The following TTF2 variants were observed in gnomAD, a reference collection of about 807,000 sequenced individuals.
TTF2 encodes transcription termination factor 2, also known as RNA polymerase II termination factor.
A neutral mutation model predicts 142.4 loss-of-function variants in TTF2; 108 were observed. The observed-to-expected ratio is 0.76, with a 90% CI of 0.65 to 0.89. The LOEUF (loss-of-function observed/expected upper bound fraction) is 0.89. Ranked by LOEUF, TTF2 falls within the 40% of genes least tolerant of loss-of-function variation. The pLI is 0.00. For missense variants in TTF2, 1,327 were observed against 1,379.8 expected (o/e 0.96, Z 0.61); for synonymous variants, 483 against 506.2 (o/e 0.95, Z 0.61).
Position 117,084,063 on chromosome 1 carries a change from C to T in TTF2, c.1949C>T (p.Ala650Val). 1.2e-6 allele frequency: 2 copies of T among 1,614,214 alleles called. No individual in the cohort carries two copies. Among genetic ancestry groups the T allele is most frequent in the Non-Finnish European group, 1.7e-6 (2 of 1,180,038 alleles). The change falls in exon 11 of 23, where the codon GCC (alanine) becomes GTC (valine). Residue 650 changes from alanine to valine, a missense_variant. By Grantham distance (64) the Ala-to-Val change is moderately conservative. Transcript: ENST00000369466. ...CATGGAACACTAATCATCTGTCCTG[C>T]CTCCCTGATCCATCATTGGAAAAAT... ...TSHGTLIICP[A>V]SLIHHWKNEV...
chr1:117,060,632 C>T, intron 2 of TTF2, 75 bp downstream of exon 2: 2 of 1,461,578 alleles, frequency 1.4e-6, no homozygotes, highest in African/African-American at 1.4e-5. Context: ...TCCCCGCTGT[C>T]GGGCGTCACA....
At chr1:117,078,075 C>T in intron 8 of TTF2, 32 bp downstream of exon 8, 1 of 1,601,270 alleles carries the variant, frequency 6.2e-7, no homozygotes. Context: ...GTGTAGTCCT[C>T]TATGACAGTG....
intron 3 of TTF2, among the ~76,000 whole-genome samples, chr1:117,064,654 A>G (rs1655943315): frequency 6.6e-6 from 1 of 152,096 alleles, no homozygotes; most frequent in Non-Finnish European, 1.5e-5. Context: ...AGTAGTCCCA[A>G]GTAGCTGGGA....
intron 10 of TTF2, among the ~76,000 whole-genome samples, chr1:117,083,241 CA>C (rs937586299): frequency 0.022 from 1,161 of 53,314 alleles, 7 homozygotes; most frequent in African/African-American, 0.063. Flanking sequence ...GACTCCGTCT[CA>C]AAAAAAAAAA....
At chr1:117,069,650 CAG>C (rs879896725) in intron 3 of TTF2, among the ~76,000 whole-genome samples, 1 of 152,176 alleles carries the variant, frequency 6.6e-6, no homozygotes, top group Non-Finnish European at 1.5e-5. Context: ...GAAACTGCCA[CAG>C]GGGGCAGTCA....
At position 117,093,269 on chromosome 1, in the gene TTF2, CTG is replaced by C. The variant is rs1648767577; in HGVS notation, c.2976+372_2976+373del. 6.6e-6 allele frequency among the ~76,000 whole-genome samples: 1 copy of C among 152,202 alleles called. No homozygotes were observed. Among genetic ancestry groups the C allele is most frequent in the South Asian group, 2.1e-4 (1 of 4,828 alleles). Reference sequence around the variant, plus strand: ...GAAAACAAAGGCTTGACTCTAGAGACTGTGTCATACATGCGAGCGCCAATTGC... The same window carrying C: ...GAAAACAAAGGCTTGACTCTAGAGACTGTCATACATGCGAGCGCCAATTGC... On this transcript the variant is annotated intron_variant, in intron 18 of 22. Transcript: ENST00000369466. The surrounding 1 kb of genome is among the most constrained non-coding windows in gnomAD (Gnocchi z 4.5).
At position 117,076,042 on chromosome 1, in the gene TTF2, TA is replaced by T; in HGVS notation, c.1276-132del. The T allele has an allele frequency of 2.3e-6, 3 of 1,297,666 alleles. No individual in the cohort carries two copies. Among genetic ancestry groups the T allele is most frequent in the Non-Finnish European group, 3.1e-6 (3 of 964,000 alleles). The allele number at this position is 1,297,666 out of a possible 1,614,324, so 80.4% of individuals were successfully genotyped here. A position where few individuals can be genotyped will look rare whatever the true frequency, so the allele number is the denominator to read the frequency against. On this transcript the variant is annotated intron_variant, in intron 5 of 22. Transcript: ENST00000369466. The surrounding 1 kb of genome is among the most constrained non-coding windows in gnomAD (Gnocchi z 4.6). ...TTGGTAAGCCAGCTGGGTTAAAATTTAAAAAAGGTTCTGGTTTTTGCACACA... is the reference window on the plus strand; with the variant it reads ...TTGGTAAGCCAGCTGGGTTAAAATTTAAAAAGGTTCTGGTTTTTGCACACA...
At position 117,070,778 on chromosome 1, in the gene TTF2, T is replaced by G. The variant is rs1656511618; in HGVS notation, c.219-2883T>G. Among the ~76,000 whole-genome samples the G allele has an allele frequency of 6.6e-6, 1 of 152,050 alleles. No homozygotes were observed. Among genetic ancestry groups the G allele is most frequent in the Non-Finnish European group, 1.5e-5 (1 of 68,010 alleles). ...AAAATTGTGAACTTGGATGGGAAAA[T>G]TGTGTTTGTACAAGAGGGAGGGGCT... On this transcript the variant is annotated intron_variant, in intron 3 of 22. Coordinates refer to ENST00000369466, the MANE Select transcript of TTF2 (RefSeq NM_003594.4). This position sits in a 1 kb window ranked among gnomAD's most constrained non-coding sequence, Gnocchi z 4.2.
Position 117,084,018 on chromosome 1 carries a change from ACT to A in TTF2, c.1907_1908del (p.Ser636LeufsTer2), listed in dbSNP as rs1647780706. On this transcript the variant is annotated frameshift_variant and splice_region_variant, in exon 11 of 23. Transcript: ENST00000369466. LOFTEE classifies it high-confidence loss of function. ...GCACTGATTTTTTTCCCTTCTCAAG[ACT>A]CTTGTGACTTTACTTCCCATGGAAC... 1 of 1,613,658 alleles carries A rather than the reference ACT, an allele frequency of 6.2e-7. No individual in the cohort carries two copies. Among genetic ancestry groups the A allele is most frequent in the South Asian group, 1.1e-5 (1 of 91,040 alleles).
rs1648550931 is a variant in TTF2, at chr1:117,091,264, GCA to G, written c.2589-61_2589-60del. On this transcript the variant is annotated intron_variant, in intron 15 of 22. Transcript: ENST00000369466. Reference sequence around the variant, plus strand: ...ATAATTTGTCAAGATCCCACTGCAGGCACAGTTAAGCAGGTCTTAGTGACCAT... The same window carrying G: ...ATAATTTGTCAAGATCCCACTGCAGGCAGTTAAGCAGGTCTTAGTGACCAT... 1.7e-5 allele frequency: 23 copies of G among 1,379,184 alleles called. No homozygotes were observed. The South Asian group carries it at 3.0e-4, about 18-fold the overall frequency. The allele number at this position is 1,379,184 out of a possible 1,614,324, so 85.4% of individuals were successfully genotyped here.
At position 117,080,366 on chromosome 1, in the gene TTF2, G is replaced by T. The variant is rs1001173734; in HGVS notation, c.1783+717G>T. Among the ~76,000 whole-genome samples, 5 of 152,032 alleles carry T rather than the reference G, an allele frequency of 3.3e-5. No homozygotes were observed. Among genetic ancestry groups the T allele is most frequent in the African/African-American group, 1.2e-4 (5 of 41,386 alleles). ...TACTTTGCTTCACCAAGTGCTAGAG[G>T]CAACCAGTGCCACCCCAAAGTCAGT... On this transcript the variant is annotated intron_variant, in intron 9 of 22. Coordinates refer to ENST00000369466, the MANE Select transcript of TTF2 (RefSeq NM_003594.4). The surrounding 1 kb of genome is among the most constrained non-coding windows in gnomAD (Gnocchi z 4.3).
At position 117,076,659 on chromosome 1, in the gene TTF2, A is replaced by G. The variant is rs1353660187; in HGVS notation, c.1409A>G (p.Asn470Ser). The part of the protein sequence containing the change: ...SPEQGTNEKS[N>S]SQVPQQSHFT... ...TGAGCAGGAACTAATGAGAAGAGTA[A>G]CAGTCAAGTACCACAGCAGAGTCAC... Residue 470 changes from asparagine to serine, a missense_variant, in exon 7 of 23, where the codon AAC (asparagine) becomes AGC (serine). By Grantham distance (46) the Asn-to-Ser change is conservative. Transcript: ENST00000369466. The surrounding 1 kb of genome is among the most constrained non-coding windows in gnomAD (Gnocchi z 4.6). 8 of 1,612,012 alleles carry G rather than the reference A, an allele frequency of 5.0e-6. No individual in the cohort carries two copies. The African/African-American group carries it at 8.0e-5, about 16-fold the overall frequency.
chr1:117,083,739 G>T (rs1270129799), intron 10 of TTF2, among the ~76,000 whole-genome samples: 1 of 152,090 alleles, frequency 6.6e-6, no homozygotes, highest in African/African-American at 2.4e-5. Flanking sequence ...CTTCACTATA[G>T]GCTCTGTATA....
Position 117,073,799 on chromosome 1 carries a change from C to A in TTF2, c.285+72C>A. The stretch of plus-strand genomic sequence containing the variant: ...AATATGCAGCATCACCTGAAAATAC[C>A]TTGAAGTTCACGTAAATGAGTTGGT... On this transcript the variant is annotated intron_variant, in intron 4 of 22. Transcript: ENST00000369466. This position sits in a 1 kb window ranked among gnomAD's most constrained non-coding sequence, Gnocchi z 4.4. 5.6e-6 allele frequency: 8 copies of A among 1,428,920 alleles called. No homozygotes were observed. Among genetic ancestry groups the A allele is most frequent in the Non-Finnish European group, 6.8e-6 (7 of 1,030,872 alleles). The allele number at this position is 1,428,920 out of a possible 1,614,324, so 88.5% of individuals were successfully genotyped here.
chr1:117,092,627 G>T lies in TTF2; in HGVS notation c.2806-104G>T. 1 of 1,284,992 alleles carries T rather than the reference G, an allele frequency of 7.8e-7. No homozygotes were observed. The allele number at this position is 1,284,992 out of a possible 1,614,324, so 79.6% of individuals were successfully genotyped here. A position where few individuals can be genotyped will look rare whatever the true frequency, so the allele number is the denominator to read the frequency against. On this transcript the variant is annotated intron_variant, in intron 17 of 22. Transcript: ENST00000369466. The surrounding 1 kb of genome is among the most constrained non-coding windows in gnomAD (Gnocchi z 4.4). ...AGGAGTTACTGATGACAAATTACAA[G>T]ATATTTTGCTCTGTGAAGTGGTAAA...
rs1274870261 is a variant in TTF2 at position 117,100,005 on chromosome 1, A to G, written c.3344+1098A>G. On this transcript the variant is annotated intron_variant, in intron 22 of 22. Transcript: ENST00000369466. The surrounding 1 kb of genome is among the most constrained non-coding windows in gnomAD (Gnocchi z 4.6). ...GTCTCCTAAACTTCAGACCTATCGCAGTCCCTGCTAAATATCTGAATCCGA... is the reference window on the plus strand; with the variant it reads ...GTCTCCTAAACTTCAGACCTATCGCGGTCCCTGCTAAATATCTGAATCCGA... Among the ~76,000 whole-genome samples the G allele has an allele frequency of 6.6e-6, 1 of 152,228 alleles. No individual in the cohort carries two copies. Among genetic ancestry groups the G allele is most frequent in the Non-Finnish European group, 1.5e-5 (1 of 68,024 alleles).
rs1655872736 is a variant in TTF2, at chr1:117,063,805, T to C, written c.218+1332T>C. ...TGGTAACGTTTGCAAGGCTTAGAAATATATCACAAACAGGATATTAATATT... is the reference window on the plus strand; with the variant it reads ...TGGTAACGTTTGCAAGGCTTAGAAACATATCACAAACAGGATATTAATATT... On this transcript the variant is annotated intron_variant, in intron 3 of 22. Transcript: ENST00000369466. The surrounding 1 kb of genome is among the most constrained non-coding windows in gnomAD (Gnocchi z 4.1). 6.6e-6 allele frequency among the ~76,000 whole-genome samples: 1 copy of C among 152,232 alleles called. No individual in the cohort carries two copies. The highest frequency in any genetic ancestry group is 1.5e-5 in the Non-Finnish European group (1 of 68,034).
Position 117,093,274 on chromosome 1 carries a change from T to A in TTF2, c.2976+373T>A, listed in dbSNP as rs1464971289. 6.6e-6 allele frequency among the ~76,000 whole-genome samples: 1 copy of A among 152,218 alleles called. No homozygotes were observed. Among genetic ancestry groups the A allele is most frequent in the Non-Finnish European group, 1.5e-5 (1 of 68,032 alleles). Reference sequence around the variant, plus strand: ...CAAAGGCTTGACTCTAGAGACTGTGTCATACATGCGAGCGCCAATTGCTCT... The same window carrying A: ...CAAAGGCTTGACTCTAGAGACTGTGACATACATGCGAGCGCCAATTGCTCT... On this transcript the variant is annotated intron_variant, in intron 18 of 22. Transcript: ENST00000369466. This position sits in a 1 kb window ranked among gnomAD's most constrained non-coding sequence, Gnocchi z 4.5.
chr1:117,066,027 CG>C lies in TTF2; in HGVS notation c.218+3556del, dbSNP rs1205702589. 8.7e-4 allele frequency among the ~76,000 whole-genome samples: 99 copies of C among 113,802 alleles called. 1 individual carries two copies. The South Asian group carries it at 0.027, about 32-fold the overall frequency. 74.7% of individuals were successfully genotyped at this position (113,802 alleles called of 152,430 possible). ...TTTTTTTTTTTTTTTTGTAGAGACACGGTCTCACTGTATTACCCAGCCTGGT... is the reference window on the plus strand; with the variant it reads ...TTTTTTTTTTTTTTTTGTAGAGACACGTCTCACTGTATTACCCAGCCTGGT... On this transcript the variant is annotated intron_variant, in intron 3 of 22. Transcript: ENST00000369466.
Sources: gnomAD v4.1 joint callset for allele counts (sites outside exome capture counted in the v4.1 genomes callset) on GRCh38, gnomAD v4.1.1 for gene constraint, Gnocchi (gnomAD v3.1) non-coding constraint, MANE v1.5 for transcripts, NCBI Gene and HGNC (gene_info 2026-07-23, HGNC 2026-07-21) for gene names.